The following CENPK variants were observed in gnomAD, a reference collection of about 807,000 sequenced individuals.
CENPK encodes centromere protein K, also known as SoxLZ/Sox6-binding protein Solt.
Under a neutral mutation model 40.9 loss-of-function variants are expected in CENPK, and 46 were observed. The observed-to-expected ratio is 1.13, with a 90% CI of 0.89 to 1.44. The LOEUF is 1.44. Ranked by LOEUF, CENPK falls within the 40% of genes most tolerant of loss-of-function variation. The pLI, the probability that CENPK is intolerant of heterozygous loss-of-function variation, is 0.00. For synonymous variants in CENPK, 107 were observed against 104.4 expected, an observed-to-expected ratio of 1.02 and a Z score of -0.15; for missense variants, 288 against 303.5, an observed-to-expected ratio of 0.95 and a Z score of 0.38.
At chr5:65,498,209 T>C in the CENPK span, among the ~76,000 whole-genome samples, 19 of 152,180 alleles carry the variant, frequency 1.2e-4, no homozygotes, top group African/African-American at 4.6e-4. Context: ...AACATTTTTA[T>C]ATATTATATA....
the CENPK span, among the ~76,000 whole-genome samples, chr5:65,497,035 C>T: frequency 2.0e-5 from 3 of 151,694 alleles, no homozygotes; most frequent in Admixed American, 1.3e-4. Context: ...CCAGCCTGGG[C>T]GACAAGAGTG....
chr5:65,520,068 A>G (rs1410249645), intron 10 of CENPK, among the ~76,000 whole-genome samples: 1 of 152,066 alleles, frequency 6.6e-6, no homozygotes, highest in Non-Finnish European at 1.5e-5. Flanking sequence ...TGTAATCCCC[A>G]ATGTTGGAGG....
intron 6 of CENPK, among the ~76,000 whole-genome samples, chr5:65,537,367 C>T (rs895641123): frequency 2.0e-5 from 3 of 152,136 alleles, no homozygotes; most frequent in East Asian, 3.9e-4. Context: ...TCCAGTAGGG[C>T]GATCTCGGCT....
the CENPK span, among the ~76,000 whole-genome samples, chr5:65,496,242 A>G: frequency 6.9e-6 from 1 of 144,408 alleles, no homozygotes; most frequent in East Asian, 2.0e-4. Flanking sequence ...TGGGCTATAG[A>G]GACCTTGTCT....
In CENPK at chr5:65,529,029, G is replaced by A. The variant is rs1384045019; in HGVS notation, c.372-12C>T. ...ACCACCGTTGTTCCCTTTCGACATG[G>A]AAAAACAATACAAGCAATATCTAAA... On this transcript the variant is annotated splice_polypyrimidine_tract_variant and intron_variant, in intron 7 of 10. Coordinates refer to ENST00000396679, the MANE Select transcript of CENPK (RefSeq NM_022145.5). The A allele has an allele frequency of 2.5e-6, 4 of 1,587,446 alleles. No individual in the cohort carries two copies. The Admixed American group carries it at 5.1e-5, about 20-fold the overall frequency.
chr5:65,532,303 A>T (rs1745986374), intron 6 of CENPK, among the ~76,000 whole-genome samples: 1 of 152,160 alleles, frequency 6.6e-6, no homozygotes, highest in African/African-American at 2.4e-5. Context: ...TTAGGCCCAG[A>T]TGGTTTCTTC....
At chr5:65,561,626 G>A (rs954055767) in intron 1 of CENPK, 62 bp from the exon 2 acceptor site, 32 of 350,584 alleles carry the variant, frequency 9.1e-5, no homozygotes, top group Non-Finnish European at 1.6e-4. Context: ...ACACTTAAGA[G>A]TTGAACTTTT....
intron 5 of CENPK, among the ~76,000 whole-genome samples, chr5:65,544,116 T>C (rs1169037301): frequency 6.6e-6 from 1 of 152,206 alleles, no homozygotes; most frequent in Non-Finnish European, 1.5e-5. Context: ...ATGTGCTTCA[T>C]AGATAGGTTT....
At chr5:65,550,298 T>A (rs1749747232) in intron 5 of CENPK, among the ~76,000 whole-genome samples, 1 of 152,240 alleles carries the variant, frequency 6.6e-6, no homozygotes, top group Admixed American at 6.5e-5. Flanking sequence ...CTTAATCATT[T>A]CTAGCTTTTA....
At chr5:65,562,564 A>C (rs931774206) in intron 1 of CENPK, among the ~76,000 whole-genome samples, 1 of 152,208 alleles carries the variant, frequency 6.6e-6, no homozygotes, top group African/African-American at 2.4e-5. Flanking sequence ...GACAAGCTGT[A>C]TTTGATTTTT....
At chr5:65,541,719 A>T (rs1748019394) in intron 6 of CENPK, among the ~76,000 whole-genome samples, 2 of 152,142 alleles carry the variant, frequency 1.3e-5, no homozygotes, top group African/African-American at 4.8e-5. Flanking sequence ...ATCGCCTTTA[A>T]AGGTCTGCTC....
intron 2 of CENPK, among the ~76,000 whole-genome samples, chr5:65,556,879 T>C (rs967092210): frequency 1.3e-5 from 2 of 152,244 alleles, no homozygotes; most frequent in African/African-American, 4.8e-5. Context: ...TACCATTCTG[T>C]TACAATTACC....
At chr5:65,546,052 A>T (rs1044357597) in intron 5 of CENPK, among the ~76,000 whole-genome samples, 3 of 152,220 alleles carry the variant, frequency 2.0e-5, no homozygotes, top group Non-Finnish European at 4.4e-5. Context: ...TAAGTTTGAA[A>T]ACTTCTATCA....
At chr5:65,553,252 T>C (rs576877984) in intron 3 of CENPK, among the ~76,000 whole-genome samples, 1 of 152,168 alleles carries the variant, frequency 6.6e-6, no homozygotes, top group East Asian at 1.9e-4. Context: ...AAGAATAGGA[T>C]GCTAAAAATA....
intron 6 of CENPK, among the ~76,000 whole-genome samples, chr5:65,530,395 A>G (rs1452559626): frequency 6.6e-6 from 1 of 152,220 alleles, no homozygotes; most frequent in Non-Finnish European, 1.5e-5. Context: ...CTGATCAGGT[A>G]ACATTTAAAT....
At chr5:65,499,010 C>T in the CENPK span, among the ~76,000 whole-genome samples, 4 of 151,590 alleles carry the variant, frequency 2.6e-5, no homozygotes, top group African/African-American at 9.7e-5. Context: ...TTGATGATTT[C>T]CTTTATGTTT....
At chr5:65,529,247 T>C (rs1745296029) in intron 6 of CENPK, 48 bp from the exon 7 acceptor site, 1 of 1,266,248 alleles carries the variant, frequency 7.9e-7, no homozygotes. Flanking sequence ...AATCCCAGTT[T>C]TATTTCTGAA....
At chr5:65,548,104 G>T (rs1037002811) in intron 5 of CENPK, among the ~76,000 whole-genome samples, 1 of 152,108 alleles carries the variant, frequency 6.6e-6, no homozygotes, top group Non-Finnish European at 1.5e-5. Context: ...GAAAAAGAGG[G>T]TACAATCCAA....
intron 6 of CENPK, among the ~76,000 whole-genome samples, chr5:65,535,567 AAAC>A (rs1264417198): frequency 6.6e-6 from 1 of 152,230 alleles, no homozygotes; most frequent in Non-Finnish European, 1.5e-5. Context: ...TAAAAACCCT[AAAC>A]AAGGCTCAAG....
Sources: gnomAD v4.1 joint callset for allele counts (sites outside exome capture counted in the v4.1 genomes callset) on GRCh38, gnomAD v4.1.1 for gene constraint, MANE v1.5 for transcripts, NCBI Gene and HGNC (gene_info 2026-07-23, HGNC 2026-07-21) for gene names.